The following TBC1D3E variants were observed in gnomAD, a reference collection of about 807,000 sequenced individuals.
TBC1D3E encodes the protein TBC1 domain family member 3E.
For missense variants in TBC1D3E, 1 was observed against 29.6 expected, an observed-to-expected ratio of 0.03 and a Z score of 2.24; for synonymous variants, 1 against 12.7, an observed-to-expected ratio of 0.08 and a Z score of 1.96.
rs1398516814 is a variant in TBC1D3E, at chr17:38,127,953, C to G, written c.-115C>G. The G allele has an allele frequency of 9.3e-4, 106 of 113,778 alleles. 3 individuals carry two copies. Among genetic ancestry groups the G allele is most frequent in the African/African-American group, 3.1e-3 (101 of 32,980 alleles). The allele number at this position is 113,778 out of a possible 1,614,324, so 7.0% of individuals were successfully genotyped here. A position where few individuals can be genotyped will look rare whatever the true frequency, so the allele number is the denominator to read the frequency against. ...AGCACCTATCTGCTCTCTGGTCTGC[C>G]TCAGTGGTCTACAGCAGTTACACAC... On this transcript the variant is annotated 5_prime_UTR_variant, in exon 1 of 14. Coordinates refer to ENST00000621587, the MANE Select transcript of TBC1D3E (RefSeq NM_001291466.2).
chr17:38,135,097 C>T (rs1377613634), intron 9 of TBC1D3E, among the ~76,000 whole-genome samples: 1 of 137,678 alleles, frequency 7.3e-6, no homozygotes, highest in African/African-American at 2.6e-5. Context: ...GGAAGCCCAG[C>T]GCCCACCCAG....
intron 7 of TBC1D3E, among the ~76,000 whole-genome samples, chr17:38,133,696 G>GA (rs761052458): frequency 0.028 from 1,559 of 56,316 alleles, 100 homozygotes; most frequent in African/African-American, 0.07. Flanking sequence ...TGTGCAAACT[G>GA]AAAAAAAAAA....
chr17:38,124,399 A>G (rs2035942386), upstream of TBC1D3E, among the ~76,000 whole-genome samples: 1 of 113,998 alleles, frequency 8.8e-6, no homozygotes, highest in African/African-American at 2.7e-5. Flanking sequence ...AATAGAAGGC[A>G]TAGAGTACGC....
intron 9 of TBC1D3E, among the ~76,000 whole-genome samples, 198 bp downstream of exon 9, chr17:38,134,857 ATCAGCAGAGGGCATCTCATCCTCCCCG>A (rs2035999361): frequency 1.6e-5 from 1 of 64,024 alleles, no homozygotes; most frequent in Non-Finnish European, 3.9e-5. Flanking sequence ...TCTCATCCCC[ATCAGCAGAGGGCATCTCATCCTCCCCG>A]TGGCCACCCT....
At chr17:38,124,157 AC>A (rs2035941497), upstream of TBC1D3E, 10 of 130,210 alleles carry the variant, frequency 7.7e-5, no homozygotes, top group South Asian at 1.3e-4. Flanking sequence ...AAAAAAAAAA[AC>A]TTTAAGTATT....
In TBC1D3E at chr17:38,135,073, C is replaced by G. The variant is rs1285558444; in HGVS notation, c.668-300C>G. 4.8e-4 allele frequency among the ~76,000 whole-genome samples: 67 copies of G among 139,398 alleles called. 1 individual carries two copies. Among genetic ancestry groups the G allele is most frequent in the Non-Finnish European group, 7.0e-4 (44 of 62,958 alleles). 91.5% of individuals were successfully genotyped at this position (139,398 alleles called of 152,430 possible). A position where few individuals can be genotyped will look rare whatever the true frequency, so the allele number is the denominator to read the frequency against. On this transcript the variant is annotated intron_variant, in intron 9 of 13. Transcript: ENST00000621587. ...CCTGTTCCCCGGCCCGACCCCACTA[C>G]CAGGAGATGACCGGGAAGCCCAGCG...
At chr17:38,136,597 C>CT (rs1313742660) in intron 12 of TBC1D3E, 117 bp downstream of exon 12, 1 of 344,126 alleles carries the variant, frequency 2.9e-6, no homozygotes, top group East Asian at 4.1e-5. Context: ...AGAGGGAGGT[C>CT]TGGCCAGGTG....
chr17:38,135,851 GGACA>G lies in TBC1D3E; in HGVS notation c.763_766del (p.Asp255ArgfsTer11). 7.6e-6 allele frequency: 1 copy of G among 132,450 alleles called. No homozygotes were observed. Among genetic ancestry groups the G allele is most frequent in the Admixed American group, 8.9e-5 (1 of 11,262 alleles). 8.2% of individuals were successfully genotyped at this position (132,450 alleles called of 1,614,324 possible). On this transcript the variant is annotated frameshift_variant and splice_region_variant, in exon 11 of 14. Coordinates refer to ENST00000621587, the MANE Select transcript of TBC1D3E (RefSeq NM_001291466.2). LOFTEE classifies it high-confidence loss of function. ...CTGAGCACCTCTGTTGCTTCCATCA[GGACA>G]AGAAAGATCTATGTGGGCAGTGTTC...
At chr17:38,135,997 CTCA>C in intron 11 of TBC1D3E, 80 bp downstream of exon 11, 2 of 85,116 alleles carry the variant, frequency 2.3e-5, no homozygotes, top group Non-Finnish European at 5.6e-5. Flanking sequence ...GGGGGTCTGG[CTCA>C]CTCCCAGCCC....
upstream of TBC1D3E, among the ~76,000 whole-genome samples, chr17:38,127,683 G>A (rs1223907224): frequency 7.3e-5 from 4 of 54,738 alleles, 1 homozygote; most frequent in Non-Finnish European, 1.9e-4. Context: ...CCTGGGCCTC[G>A]GGGGTGACAG....
intron 9 of TBC1D3E, among the ~76,000 whole-genome samples, chr17:38,135,118 C>T (rs2036004525): frequency 1.5e-5 from 2 of 132,678 alleles, no homozygotes; most frequent in African/African-American, 5.4e-5. Context: ...TTCCGGCCAC[C>T]CTGTCGTGGC....
chr17:38,127,816 A>G (rs1202045124), upstream of TBC1D3E: 4 of 77,476 alleles, frequency 5.2e-5, no homozygotes, highest in African/African-American at 1.4e-4. Context: ...AACACATTGC[A>G]GGCAGGCATG....
upstream of TBC1D3E, chr17:38,124,145 T>TA (rs386386010): frequency 0.032 from 3,559 of 112,326 alleles, 1 homozygote; most frequent in South Asian, 0.044. Context: ...GGGGATAAGG[T>TA]AAAAAAAAAA....
chr17:38,124,145 T>TAAA, upstream of TBC1D3E: 5 of 112,090 alleles, frequency 4.5e-5, no homozygotes, highest in Middle Eastern at 2.8e-3. Flanking sequence ...GGGGATAAGG[T>TAAA]AAAAAAAAAA....
intron 1 of TBC1D3E, among the ~76,000 whole-genome samples, chr17:38,128,584 GGGGGAGCCTGCTGCCCTT>G (rs1204963455): frequency 2.9e-4 from 3 of 10,428 alleles, no homozygotes; most frequent in African/African-American, 5.6e-4. Context: ...TCCCTTGTCC[GGGGGAGCCTGCTGCCCTT>G]GGGCAGCTGT....
chr17:38,127,652 C>T (rs1420481704), upstream of TBC1D3E, among the ~76,000 whole-genome samples: 1 of 54,940 alleles, frequency 1.8e-5, no homozygotes, highest in African/African-American at 4.2e-5. Context: ...AGGGAGCAGC[C>T]ATGGATGCTC....
At chr17:38,127,690 A>G (rs1490317662), upstream of TBC1D3E, among the ~76,000 whole-genome samples, 2 of 54,740 alleles carry the variant, frequency 3.7e-5, 1 homozygote, top group Non-Finnish European at 1.2e-4. Flanking sequence ...CTCGGGGGTG[A>G]CAGTGATGAG....
At chr17:38,128,211 C>T (rs1178048930) in intron 1 of TBC1D3E, 145 bp downstream of exon 1, 55 of 39,668 alleles carry the variant, frequency 1.4e-3, no homozygotes, top group African/African-American at 2.7e-3. Flanking sequence ...CCCGTGTAGA[C>T]GATTGGCTCT....
upstream of TBC1D3E, chr17:38,127,852 C>G (rs1161941431): frequency 4.1e-4 from 46 of 113,054 alleles, 2 homozygotes; most frequent in African/African-American, 1.2e-3. Context: ...GCGGAGGACC[C>G]TGACTCTGGG....
Sources: allele counts gnomAD v4.1 joint callset (sites outside exome capture counted in the v4.1 genomes callset), GRCh38; gene constraint gnomAD v4.1.1; transcripts MANE v1.5; gene names NCBI Gene and HGNC (gene_info 2026-07-23, HGNC 2026-07-21).